The following RBM46 variants were observed in gnomAD, a reference collection of about 807,000 sequenced individuals.
The protein encoded by RBM46 is RNA binding motif protein 46.
In RBM46, 12 loss-of-function variants were observed where a neutral mutation model predicts 43.3. The ratio of observed to expected loss-of-function variants is 0.28; its 90% confidence interval spans 0.18 to 0.45. The LOEUF (loss-of-function observed/expected upper bound fraction) is 0.45. RBM46 is among the 20% of genes least tolerant of loss of function. The pLI is 1.00. For synonymous variants in RBM46, 205 were observed against 207.6 expected (o/e 0.99, Z 0.11); for missense variants, 412 against 639.1 (o/e 0.64, Z 3.83).
intron 1 of RBM46, among the ~76,000 whole-genome samples, chr4:154,792,533 G>A (rs1021559687): frequency 1.5e-4 from 23 of 152,272 alleles, no homozygotes; most frequent in Non-Finnish European, 2.6e-4. Context: ...TTTGGATTCA[G>A]AAATGAAAGG....
At chr4:154,793,138 A>G (rs572289030) in intron 1 of RBM46, among the ~76,000 whole-genome samples, 13 of 152,312 alleles carry the variant, frequency 8.5e-5, no homozygotes, top group Admixed American at 7.8e-4. Flanking sequence ...TATATTTTCT[A>G]CTTGCTCTTT....
At chr4:154,782,840 T>G (rs1733567269) in intron 1 of RBM46, among the ~76,000 whole-genome samples, 1 of 152,236 alleles carries the variant, frequency 6.6e-6, no homozygotes, top group Non-Finnish European at 1.5e-5. Flanking sequence ...AATGGCGTTA[T>G]AACCAGGAAG....
At chr4:154,800,982 A>AT (rs199743891) in intron 4 of RBM46, among the ~76,000 whole-genome samples, 8,324 of 143,408 alleles carry the variant, frequency 0.058, 476 homozygotes, top group East Asian at 0.18. Flanking sequence ...AGTATTAGAA[A>AT]TTTTTTTTTT....
At chr4:154,811,317 G>A (rs1156417355) in intron 4 of RBM46, among the ~76,000 whole-genome samples, 1 of 152,062 alleles carries the variant, frequency 6.6e-6, no homozygotes, top group Non-Finnish European at 1.5e-5. Context: ...TCACATTCTA[G>A]CTTCATTACT....
At chr4:154,802,122 G>C (rs1734666001) in intron 4 of RBM46, among the ~76,000 whole-genome samples, 1 of 152,184 alleles carries the variant, frequency 6.6e-6, no homozygotes, top group South Asian at 2.1e-4. Flanking sequence ...CTATTTCGGT[G>C]GAGTACGCAA....
At chr4:154,789,579 T>C (rs1733972286) in intron 1 of RBM46, among the ~76,000 whole-genome samples, 1 of 152,212 alleles carries the variant, frequency 6.6e-6, no homozygotes, top group Admixed American at 6.5e-5. Context: ...GGTTTGCCAG[T>C]ATTTTAGTGA....
At chr4:154,784,160 T>C (rs1733643827) in intron 1 of RBM46, among the ~76,000 whole-genome samples, 1 of 152,244 alleles carries the variant, frequency 6.6e-6, no homozygotes, top group African/African-American at 2.4e-5. Flanking sequence ...ATTCTTAATT[T>C]TTTTCATTAT....
intron 1 of RBM46, 91 bp downstream of exon 1, chr4:154,781,527 G>C (rs893081597): frequency 6.6e-6 from 1 of 152,628 alleles, no homozygotes; most frequent in Non-Finnish European, 1.5e-5. Flanking sequence ...AATACACAGT[G>C]GGGGCTGGCG....
intron 4 of RBM46, among the ~76,000 whole-genome samples, chr4:154,816,118 G>C (rs1218136300): frequency 6.6e-6 from 1 of 151,910 alleles, no homozygotes; most frequent in Non-Finnish European, 1.5e-5. Context: ...GTTTGTTTTT[G>C]CACCAATACC....
At chr4:154,785,089 G>T (rs926453422) in intron 1 of RBM46, among the ~76,000 whole-genome samples, 2 of 150,786 alleles carry the variant, frequency 1.3e-5, no homozygotes, top group African/African-American at 4.9e-5. Flanking sequence ...TGAGATAAGG[G>T]TTTTTTTTTC....
At chr4:154,782,564 A>G (rs1236563173) in intron 1 of RBM46, among the ~76,000 whole-genome samples, 1 of 152,084 alleles carries the variant, frequency 6.6e-6, no homozygotes, top group East Asian at 1.9e-4. Flanking sequence ...GCTGACTGCA[A>G]CTTCCGCCTA....
At chr4:154,805,256 T>TC (rs1406081330) in intron 4 of RBM46, among the ~76,000 whole-genome samples, 4 of 152,296 alleles carry the variant, frequency 2.6e-5, no homozygotes, top group African/African-American at 9.6e-5. Context: ...TTAGTGCAAC[T>TC]ATGTTGGATA....
intron 4 of RBM46, among the ~76,000 whole-genome samples, chr4:154,807,476 A>G (rs1008034403): frequency 2.6e-5 from 4 of 151,814 alleles, no homozygotes; most frequent in Non-Finnish European, 4.4e-5. Flanking sequence ...AATTAAGTGA[A>G]TGGACTCATG....
At chr4:154,825,248 A>G (rs448223) in intron 4 of RBM46, among the ~76,000 whole-genome samples, 71,156 of 151,846 alleles carry the variant, frequency 0.47, 17,285 homozygotes, top group Admixed American at 0.6. Context: ...ATTTATTAAT[A>G]TATTTTCTGA....
chr4:154,820,417 A>T, intron 4 of RBM46: 1 of 1,515,470 alleles, frequency 6.6e-7, no homozygotes, highest in Non-Finnish European at 8.8e-7. Flanking sequence ...TGGAGAAAAT[A>T]AACAGGTAAG....
chr4:154,810,107 T>C (rs893303454), intron 4 of RBM46, among the ~76,000 whole-genome samples: 39 of 152,120 alleles, frequency 2.6e-4, no homozygotes, highest in African/African-American at 9.2e-4. Context: ...TTTTTAATTA[T>C]GTAAGGCATA....
rs564783403 is a variant in RBM46 at position 154,810,512 on chromosome 4, C to T, written c.1402+10948C>T. 8.6e-5 allele frequency among the ~76,000 whole-genome samples: 13 copies of T among 152,038 alleles called. No homozygotes were observed. In the Middle Eastern group the frequency reaches 0.01, roughly 119 times the overall value. ...GCAGTTTTCAAATGTTTGAAGTGCT[C>T]GCACGTGGAAAAAAGACTTTAGTCT... On this transcript the variant is annotated intron_variant, in intron 4 of 4. Transcript: ENST00000281722.
At chr4:154,821,705 T>C (rs1735730313) in intron 4 of RBM46, among the ~76,000 whole-genome samples, 1 of 151,836 alleles carries the variant, frequency 6.6e-6, no homozygotes, top group Non-Finnish European at 1.5e-5. Context: ...GAGTTTTTAA[T>C]TGCTGTGGTT....
chr4:154,789,342 C>T (rs1733959551), intron 1 of RBM46, among the ~76,000 whole-genome samples: 1 of 152,144 alleles, frequency 6.6e-6, no homozygotes, highest in Admixed American at 6.6e-5. Flanking sequence ...TTTTGAGATA[C>T]GTCCCATCAA....
Sources: gnomAD v4.1 joint callset for allele counts (sites outside exome capture counted in the v4.1 genomes callset) on GRCh38, gnomAD v4.1.1 for gene constraint, MANE v1.5 for transcripts, NCBI Gene and HGNC (gene_info 2026-07-23, HGNC 2026-07-21) for gene names.